The following ZBTB20 variants were observed in gnomAD, a reference collection of about 807,000 sequenced individuals.
ZBTB20 encodes the protein zinc finger and BTB domain-containing protein 20.
Under a neutral mutation model 56.9 loss-of-function variants are expected in ZBTB20, and 9 were observed. The observed-to-expected ratio is 0.16, with a 90% CI of 0.10 to 0.28. The LOEUF is 0.28. Among genes scored for constraint, ZBTB20 ranks in the 10% least tolerant of loss-of-function variants. ZBTB20 has a pLI of 1.00. For missense variants in ZBTB20, 655 were observed against 1,003.0 expected (o/e 0.65, Z 4.69); for synonymous variants, 417 against 420.7 (o/e 0.99, Z 0.11).
intron 6 of ZBTB20, among the ~76,000 whole-genome samples, chr3:114,516,212 C>A (rs185542635): frequency 2.6e-5 from 4 of 152,260 alleles, no homozygotes; most frequent in Non-Finnish European, 5.9e-5. Flanking sequence ...TGAAGCCCAA[C>A]CCCCAAGCCG....
intron 7 of ZBTB20, among the ~76,000 whole-genome samples, chr3:114,483,859 A>G (rs1272377522): frequency 6.6e-6 from 1 of 152,070 alleles, no homozygotes; most frequent in African/African-American, 2.4e-5. Flanking sequence ...ACATAATTAT[A>G]GGCCACCTTT....
intron 6 of ZBTB20, among the ~76,000 whole-genome samples, chr3:114,552,300 G>T (rs771557293): frequency 6.6e-6 from 1 of 152,062 alleles, no homozygotes; most frequent in Non-Finnish European, 1.5e-5. Context: ...TTATTATTTT[G>T]TCTCTAGCTG....
At chr3:115,013,401 T>TA (rs1338974894) in intron 2 of ZBTB20, among the ~76,000 whole-genome samples, 6 of 151,530 alleles carry the variant, frequency 4.0e-5, no homozygotes, top group Admixed American at 4.0e-4. Flanking sequence ...CTGCTATAAA[T>TA]AGCTATATAG....
At chr3:114,823,708 CAATT>C (rs756753863) in intron 4 of ZBTB20, among the ~76,000 whole-genome samples, 1 of 152,034 alleles carries the variant, frequency 6.6e-6, no homozygotes, top group Non-Finnish European at 1.5e-5. Context: ...TTATAAAAAT[CAATT>C]AAGTTCACAT....
intron 10 of ZBTB20, among the ~76,000 whole-genome samples, chr3:114,375,389 G>GA (rs377310718): frequency 4.6e-5 from 7 of 152,074 alleles, no homozygotes; most frequent in East Asian, 1.9e-4. Flanking sequence ...TGTAAAGGAA[G>GA]AAAAAAAATT....
At chr3:115,088,334 T>C (rs950155109) in intron 1 of ZBTB20, among the ~76,000 whole-genome samples, 1 of 151,832 alleles carries the variant, frequency 6.6e-6, no homozygotes, top group Non-Finnish European at 1.5e-5. Context: ...GAGAAGAAAA[T>C]TGAAATATAA....
intron 2 of ZBTB20, among the ~76,000 whole-genome samples, chr3:114,975,061 A>G (rs2078042062): frequency 6.6e-6 from 1 of 152,192 alleles, no homozygotes; most frequent in Admixed American, 6.5e-5. Context: ...GGTCCTACCC[A>G]TATTTAGATG....
At chr3:114,394,923 A>C (rs1274881422) in intron 7 of ZBTB20, among the ~76,000 whole-genome samples, 1 of 152,210 alleles carries the variant, frequency 6.6e-6, no homozygotes, top group African/African-American at 2.4e-5. Flanking sequence ...TGGAAATTCA[A>C]AATGATAATG....
At chr3:114,615,462 G>A (rs1444592886) in intron 6 of ZBTB20, among the ~76,000 whole-genome samples, 1 of 152,198 alleles carries the variant, frequency 6.6e-6, no homozygotes. Flanking sequence ...AGGATGTATA[G>A]GCTGTTAACC....
chr3:114,611,209 G>C (rs1372192827), intron 6 of ZBTB20, among the ~76,000 whole-genome samples: 1 of 152,144 alleles, frequency 6.6e-6, no homozygotes, highest in Non-Finnish European at 1.5e-5. Context: ...AAGGAAGGGA[G>C]AACACATAGA....
chr3:114,702,526 TA>T (rs2063458499), intron 5 of ZBTB20, among the ~76,000 whole-genome samples: 1 of 152,096 alleles, frequency 6.6e-6, no homozygotes, highest in Admixed American at 6.6e-5. Context: ...TGACAAAAGC[TA>T]AACAGTAAAT....
intron 7 of ZBTB20, 149 bp from the exon 8 acceptor site, chr3:114,389,254 CG>C (rs2085523346): frequency 6.6e-6 from 1 of 152,120 alleles, no homozygotes; most frequent in Non-Finnish European, 1.5e-5. Flanking sequence ...TGGCGAGGTA[CG>C]GAAGGGAGAA....
intron 7 of ZBTB20, among the ~76,000 whole-genome samples, chr3:114,475,412 T>C (rs1246851105): frequency 1.3e-5 from 2 of 152,194 alleles, no homozygotes; most frequent in Non-Finnish European, 2.9e-5. Flanking sequence ...TTAAAACTTC[T>C]AGGGCAAGAC....
intron 6 of ZBTB20, among the ~76,000 whole-genome samples, chr3:114,559,641 C>T (rs950426232): frequency 1.3e-5 from 2 of 152,282 alleles, no homozygotes; most frequent in Admixed American, 6.5e-5. Flanking sequence ...CATTCTGAAA[C>T]AAATTATTCT....
chr3:115,112,772 G>A (rs1052627774), intron 1 of ZBTB20, among the ~76,000 whole-genome samples: 12 of 152,196 alleles, frequency 7.9e-5, no homozygotes, highest in Admixed American at 7.2e-4. Context: ...ATGGGAGTGC[G>A]GGTGTTCCTT....
intron 4 of ZBTB20, among the ~76,000 whole-genome samples, chr3:114,898,909 C>T (rs1419888450): frequency 3.9e-5 from 6 of 152,074 alleles, no homozygotes; most frequent in African/African-American, 1.4e-4. Flanking sequence ...TTTGAGCCTA[C>T]TGAATAAATT....
In ZBTB20 at chr3:114,336,886, AT is replaced by A. The variant is rs1357495113; in HGVS notation, c.*2118del. 6.6e-6 allele frequency: 1 copy of A among 152,254 alleles called. No homozygotes were observed. The highest frequency in any genetic ancestry group is 2.4e-5 in the African/African-American group (1 of 41,472). 9.4% of individuals were successfully genotyped at this position (152,254 alleles called of 1,614,324 possible). A position where few individuals can be genotyped will look rare whatever the true frequency, so the allele number is the denominator to read the frequency against. ...TTTGCTTTCCCCTAAGTATGTTAAA[AT>A]ATGCCCAGCAATGAAATCACTTTGG... On this transcript the variant is annotated 3_prime_UTR_variant, in exon 12 of 12. Coordinates refer to ENST00000675478, the MANE Select transcript of ZBTB20 (RefSeq NM_001348800.3).
intron 7 of ZBTB20, among the ~76,000 whole-genome samples, chr3:114,476,154 G>A (rs2718428): frequency 4.5e-4 from 68 of 152,080 alleles, no homozygotes; most frequent in African/African-American, 1.6e-3. Flanking sequence ...ACTATTATAG[G>A]TTCTTCATAA....
chr3:114,896,819 T>A (rs1037863522), intron 4 of ZBTB20, among the ~76,000 whole-genome samples: 1 of 152,096 alleles, frequency 6.6e-6, no homozygotes, highest in African/African-American at 2.4e-5. Context: ...AATAAAAATA[T>A]CACATGAAGG....
Sources: gnomAD v4.1 joint callset for allele counts (sites outside exome capture counted in the v4.1 genomes callset) on GRCh38, gnomAD v4.1.1 for gene constraint, MANE v1.5 for transcripts, NCBI Gene and HGNC (gene_info 2026-07-23, HGNC 2026-07-21) for gene names.